Variants in TENM2 observed in about 807,000 individuals in gnomAD.
TENM2 encodes teneurin transmembrane protein 2.
In TENM2, 52 loss-of-function variants were observed where a neutral mutation model predicts 245.2. That is an observed-to-expected ratio of 0.21 (90% CI 0.17 to 0.27). The LOEUF is 0.27. Ranked by LOEUF, TENM2 falls within the 10% of genes least tolerant of loss-of-function variation. TENM2 has a pLI of 1.00. For missense variants in TENM2, 3,046 were observed against 3,666.8 expected (o/e 0.83, Z 4.37); for synonymous variants, 1,363 against 1,438.9 (o/e 0.95, Z 1.19).
intron 5 of TENM2, among the ~76,000 whole-genome samples, chr5:168,008,358 CAGG>C (rs972131058): frequency 3.3e-5 from 5 of 152,148 alleles, no homozygotes; most frequent in African/African-American, 1.2e-4. Context: ...TGAAATCTGG[CAGG>C]AGGTTTAATT....
In TENM2 at chr5:167,452,964, TA is replaced by T. The variant is rs70976429; in HGVS notation, c.502+77502del. On this transcript the variant is annotated intron_variant, in intron 2 of 28. Transcript: ENST00000518659. ...ATATATATATATATATATATATATT[TA>T]AAAAAAAAAACACTGGTATGGCAGC... Among the ~76,000 whole-genome samples the T allele has an allele frequency of 5.8e-3, 626 of 108,198 alleles. 41 individuals carry two copies. In the South Asian group the frequency reaches 0.11, roughly 19 times the overall value. 71.0% of individuals were successfully genotyped at this position (108,198 alleles called of 152,430 possible). A position where few individuals can be genotyped will look rare whatever the true frequency, so the allele number is the denominator to read the frequency against.
chr5:167,819,734 T>G (rs898273823), intron 2 of TENM2, among the ~76,000 whole-genome samples: 2 of 152,148 alleles, frequency 1.3e-5, no homozygotes, highest in African/African-American at 2.4e-5. Context: ...AGAAGGGAAA[T>G]GGCGGACTGC....
the TENM2 span, among the ~76,000 whole-genome samples, chr5:167,038,300 T>C: frequency 2.6e-5 from 4 of 152,186 alleles, no homozygotes; most frequent in African/African-American, 9.7e-5. Context: ...CTGTTATACC[T>C]TCTCTGCTTC....
chr5:167,089,064 A>G, the TENM2 span, among the ~76,000 whole-genome samples: 7 of 152,344 alleles, frequency 4.6e-5, no homozygotes, highest in East Asian at 1.9e-4. Flanking sequence ...TAAGATTTTA[A>G]TGAAACAAAT....
At chr5:168,228,316 C>CCACT (rs1348880364) in intron 25 of TENM2, among the ~76,000 whole-genome samples, 186 bp downstream of exon 27, 4 of 152,156 alleles carry the variant, frequency 2.6e-5, no homozygotes, top group African/African-American at 4.8e-5. Context: ...GGCAAACTCT[C>CCACT]CACTCAGAAG....
At chr5:167,441,087 A>G (rs1442084053) in intron 2 of TENM2, among the ~76,000 whole-genome samples, 1 of 152,178 alleles carries the variant, frequency 6.6e-6, no homozygotes, top group Non-Finnish European at 1.5e-5. Flanking sequence ...GGCTGCGTTG[A>G]AAATGCCTGC....
chr5:167,035,810 G>C, the TENM2 span, among the ~76,000 whole-genome samples: 1 of 152,188 alleles, frequency 6.6e-6, no homozygotes, highest in Non-Finnish European at 1.5e-5. Context: ...CACTATCTTG[G>C]CTCACTGGAA....
chr5:167,125,028 A>G, the TENM2 span, among the ~76,000 whole-genome samples: 1 of 152,220 alleles, frequency 6.6e-6, no homozygotes, highest in Admixed American at 6.5e-5. Context: ...ATGTTCCTGC[A>G]GTATCAATGA....
At chr5:167,381,259 A>G (rs775293420) in intron 2 of TENM2, among the ~76,000 whole-genome samples, 1 of 152,160 alleles carries the variant, frequency 6.6e-6, no homozygotes, top group African/African-American at 2.4e-5. Context: ...TAAAAATGTT[A>G]CTTGTGATTT....
intron 5 of TENM2, among the ~76,000 whole-genome samples, chr5:168,007,152 A>T (rs1784885233): frequency 6.7e-6 from 1 of 149,306 alleles, no homozygotes. Context: ...TTTGAGACGT[A>T]GTCTCACTCT....
chr5:167,509,266 A>G (rs752526890), intron 2 of TENM2, among the ~76,000 whole-genome samples: 8 of 152,242 alleles, frequency 5.3e-5, no homozygotes, highest in African/African-American at 1.9e-4. Flanking sequence ...CTTACATTAA[A>G]TATATTAAAA....
chr5:167,970,686 T>A (rs1319761298), intron 4 of TENM2, among the ~76,000 whole-genome samples: 1 of 152,196 alleles, frequency 6.6e-6, no homozygotes, highest in African/African-American at 2.4e-5. Context: ...GATAGCTCCA[T>A]AATGAGTATA....
the TENM2 span, among the ~76,000 whole-genome samples, chr5:167,073,803 G>A: frequency 6.6e-6 from 1 of 152,152 alleles, no homozygotes; most frequent in East Asian, 1.9e-4. Context: ...TCTGTTAAAT[G>A]TTGTTAATCT....
At chr5:167,627,848 C>T (rs553083870) in intron 2 of TENM2, among the ~76,000 whole-genome samples, 5 of 152,228 alleles carry the variant, frequency 3.3e-5, no homozygotes, top group African/African-American at 7.2e-5. Flanking sequence ...TGAGCCACCA[C>T]GCCTGGTCCG....
chr5:167,142,136 T>C, the TENM2 span, among the ~76,000 whole-genome samples: 1 of 152,112 alleles, frequency 6.6e-6, no homozygotes, highest in Non-Finnish European at 1.5e-5. Flanking sequence ...AGAATGTCGC[T>C]ATGTGTGTGT....
chr5:167,692,612 T>C (rs535986172), intron 2 of TENM2, among the ~76,000 whole-genome samples: 135 of 152,306 alleles, frequency 8.9e-4, no homozygotes, highest in Admixed American at 2.5e-3. Flanking sequence ...TTTAAAAATA[T>C]ATACCTCCAA....
At chr5:167,910,539 C>T (rs928234228) in intron 3 of TENM2, among the ~76,000 whole-genome samples, 9 of 152,198 alleles carry the variant, frequency 5.9e-5, no homozygotes, top group Non-Finnish European at 1.3e-4. Context: ...AACCTTCTAG[C>T]ATCTGCATTT....
intron 12 of TENM2, among the ~76,000 whole-genome samples, chr5:168,128,134 G>A (rs1354580914): frequency 6.6e-6 from 1 of 152,224 alleles, no homozygotes; most frequent in East Asian, 1.9e-4. Flanking sequence ...GGGGCAGCAT[G>A]CCAATCAGGG....
At chr5:167,101,881 TTA>T in the TENM2 span, among the ~76,000 whole-genome samples, 1 of 67,678 alleles carries the variant, frequency 1.5e-5, no homozygotes, top group African/African-American at 4.6e-5. Flanking sequence ...ATATATGCAC[TTA>T]TATATATGTA....
Sources: gnomAD v4.1 joint callset for allele counts (sites outside exome capture counted in the v4.1 genomes callset) on GRCh38, gnomAD v4.1.1 for gene constraint, MANE v1.5 for transcripts, NCBI Gene and HGNC (gene_info 2026-07-23, HGNC 2026-07-21) for gene names.